The following ZNF528 variants were observed in gnomAD, a reference collection of about 807,000 sequenced individuals.
The protein encoded by ZNF528 is zinc finger protein 528.
ZNF528 carries 9 observed loss-of-function variants against 13.3 expected under a neutral mutation model. The observed-to-expected ratio is 0.67, with a 90% confidence interval of 0.41 to 1.18. ZNF528 has a LOEUF of 1.18. ZNF528 is among the 50% of genes most tolerant of loss of function. The probability of loss-of-function intolerance (pLI) is 0.01; values close to 1 mark genes in which losing one functional copy is unlikely to be tolerated. For missense variants in ZNF528, 858 were observed against 745.4 expected (o/e 1.15, Z -1.76); for synonymous variants, 264 against 254.3 (o/e 1.04, Z -0.36).
intron 4 of ZNF528, among the ~76,000 whole-genome samples, chr19:52,405,203 G>A (rs1216498224): frequency 1.4e-5 from 2 of 146,818 alleles, no homozygotes; most frequent in Admixed American, 6.8e-5. Context: ...GGCAAAAAGA[G>A]CGAAACACCA....
At position 52,402,045 on chromosome 19, in the gene ZNF528, A is replaced by G; in HGVS notation, c.15+17A>G. 1 of 1,613,458 alleles carries G rather than the reference A, an allele frequency of 6.2e-7. No individual in the cohort carries two copies. Among genetic ancestry groups the G allele is most frequent in the Non-Finnish European group, 8.5e-7 (1 of 1,179,360 alleles). On this transcript the variant is annotated intron_variant, in intron 4 of 6. Transcript: ENST00000360465. ...CTTACTCAGGTAAGGTAATGTTCTC[A>G]GTGGATTGTTCTGTCTCTGTTTCTT...
intron 2 of ZNF528, among the ~76,000 whole-genome samples, chr19:52,398,825 AG>A (rs2058758532): frequency 6.6e-6 from 1 of 152,070 alleles, no homozygotes; most frequent in South Asian, 2.1e-4. Flanking sequence ...GGACAGCCAG[AG>A]GGGGCAGCTG....
At position 52,406,035 on chromosome 19, in the gene ZNF528, T is replaced by G. The variant is rs749566600; in HGVS notation, c.142+2T>G. 1 of 1,609,498 alleles carries G rather than the reference T, an allele frequency of 6.2e-7. No homozygotes were observed. Among genetic ancestry groups the G allele is most frequent in the South Asian group, 1.1e-5 (1 of 91,042 alleles). ...ATTATAGGAACCTGGTCTCCCTGGG[T>G]GAGGATAATGTCCCCTCAGAAGCCG... On this transcript the variant is annotated splice_donor_variant, in intron 5 of 6. Coordinates refer to ENST00000360465, the MANE Select transcript of ZNF528 (RefSeq NM_032423.3). LOFTEE classifies it high-confidence loss of function.
In ZNF528 at chr19:52,416,586, G is replaced by T. The variant is rs768969974; in HGVS notation, c.1734G>T (p.Glu578Asp). ...TCCATACTGAAAAGAAATCTCATGA[G>T]TGTAAAGAATGTGGCAAGATCTTCA... ...LAIHTEKKSHECKECGKIFTQ... is the reference protein window; with the variant it reads ...LAIHTEKKSHDCKECGKIFTQ... Residue 578 changes from glutamate (E) to aspartate (D), a missense_variant, in exon 7 of 7, where the codon GAG becomes GAT. Glu to Asp is a conservative substitution (Grantham distance 45). Transcript: ENST00000360465. The T allele has an allele frequency of 1.2e-5, 20 of 1,613,860 alleles. No individual in the cohort carries two copies. The highest frequency in any genetic ancestry group is 2.7e-5 in the African/African-American group (2 of 74,862).
Position 52,406,643 on chromosome 19 carries a change from G to A in ZNF528, c.271G>A (p.Glu91Lys). The part of the protein sequence containing the change: ...GRECIKGVNT[E>K]RSSKLGSNAG... ...GGAGTGCATCAAAGGTGTGAACACA[G>A]GTGAGAGCTCGGGTGGGCAGAGTGG... The change falls in exon 6 of 7, where the codon GAG becomes AAG. Residue 91 changes from glutamate to lysine, a missense_variant and splice_region_variant. Physicochemically the swap from Glu to Lys is moderately conservative, Grantham distance 56 (BLOSUM62 1). Coordinates refer to ENST00000360465, the MANE Select transcript of ZNF528 (RefSeq NM_032423.3). 6.2e-7 allele frequency: 1 copy of A among 1,609,414 alleles called. No homozygotes were observed. The highest frequency in any genetic ancestry group is 8.5e-7 in the Non-Finnish European group (1 of 1,178,474).
intron 6 of ZNF528, among the ~76,000 whole-genome samples, chr19:52,409,012 A>G (rs185265806): frequency 6.6e-6 from 1 of 152,168 alleles, no homozygotes; most frequent in Non-Finnish European, 1.5e-5. Flanking sequence ...AAAGTCTAAA[A>G]TTCGCCTTTA....
At chr19:52,401,140 A>C (rs2058788772) in intron 2 of ZNF528, among the ~76,000 whole-genome samples, 2 of 149,618 alleles carry the variant, frequency 1.3e-5, no homozygotes, top group South Asian at 2.1e-4. Context: ...CTCTTCACCC[A>C]CCCCTCTCCC....
In ZNF528 at chr19:52,416,724, G is replaced by T; in HGVS notation, c.1872G>T (p.Gln624His). The change falls in exon 7 of 7, where the codon CAG (glutamine) becomes CAT (histidine). Residue 624 changes from glutamine (Q) to histidine (H), a missense_variant. Gln to His is a conservative substitution (Grantham distance 24). Coordinates refer to ENST00000360465, the MANE Select transcript of ZNF528 (RefSeq NM_032423.3). ...FSHNSDLAQH[Q>H]RVHS Reference sequence around the variant, plus strand: ...ACAATTCTGACCTTGCACAGCATCAGAGAGTTCATTCATGAGAGTCCCTAC... The same window carrying T: ...ACAATTCTGACCTTGCACAGCATCATAGAGTTCATTCATGAGAGTCCCTAC... 3 of 1,591,264 alleles carry T rather than the reference G, an allele frequency of 1.9e-6. No homozygotes were observed. The highest frequency in any genetic ancestry group is 2.6e-6 in the Non-Finnish European group (3 of 1,167,022).
chr19:52,398,127 C>T (rs1015959245), intron 1 of ZNF528: 1 of 152,178 alleles, frequency 6.6e-6, no homozygotes, highest in Admixed American at 6.5e-5. Context: ...CACGTAGACA[C>T]CTCCTATCGT....
intron 4 of ZNF528, among the ~76,000 whole-genome samples, chr19:52,404,833 A>G (rs1034647446): frequency 3.2e-4 from 48 of 151,478 alleles, no homozygotes; most frequent in African/African-American, 1.1e-3. Context: ...TCCTTACCTC[A>G]GGTGATCCAC....
chr19:52,402,070 T>G (rs1270440742), intron 4 of ZNF528, 42 bp downstream of exon 4: 10 of 1,613,996 alleles, frequency 6.2e-6, no homozygotes, highest in Middle Eastern at 1.6e-4. Context: ...CTCTGTTTCT[T>G]CCTGAAATGC....
chr19:52,399,762 C>T (rs771874790), intron 2 of ZNF528, among the ~76,000 whole-genome samples: 5 of 152,038 alleles, frequency 3.3e-5, no homozygotes, highest in African/African-American at 9.7e-5. Flanking sequence ...CAATAAAGAG[C>T]GCTCAACACA....
rs1289705514 is a variant in ZNF528 at position 52,416,778 on chromosome 19, G to A, written c.*39G>A. The A allele has an allele frequency of 5.8e-6, 9 of 1,540,418 alleles. No homozygotes were observed. The highest frequency in any genetic ancestry group is 7.9e-6 in the Non-Finnish European group (9 of 1,138,826). ...CTGTATGGCAAAACCATCATCATGA[G>A]TTCTAGCATTAATCAACATCAGTGA... On this transcript the variant is annotated 3_prime_UTR_variant, in exon 7 of 7. Coordinates refer to ENST00000360465, the MANE Select transcript of ZNF528 (RefSeq NM_032423.3).
chr19:52,400,688 TG>T (rs1405328374), intron 2 of ZNF528, among the ~76,000 whole-genome samples: 24 of 151,906 alleles, frequency 1.6e-4, no homozygotes, highest in African/African-American at 5.8e-4. Context: ...CGTGGCTGAT[TG>T]AAAAAAAAAT....
chr19:52,400,020 A>G (rs1599809694), intron 2 of ZNF528, among the ~76,000 whole-genome samples: 1 of 151,948 alleles, frequency 6.6e-6, no homozygotes, highest in South Asian at 2.1e-4. Flanking sequence ...AGGCCCACTC[A>G]CCTGTCTCTA....
Position 52,415,267 on chromosome 19 carries a change from G to C in ZNF528, c.415G>C (p.Val139Leu), listed in dbSNP as rs184557899. 1 of 1,613,998 alleles carries C rather than the reference G, an allele frequency of 6.2e-7. No individual in the cohort carries two copies. Among genetic ancestry groups the C allele is most frequent in the South Asian group, 1.1e-5 (1 of 91,016 alleles). ...TGGGTGTAAGCATTTTGAAAAACCCGTCAGTGACAATTCCTCAGTTTCACC... is the reference window on the plus strand; with the variant it reads ...TGGGTGTAAGCATTTTGAAAAACCCCTCAGTGACAATTCCTCAGTTTCACC... ...ISGCKHFEKP[V>L]SDNSSVSPLE... The change falls in exon 7 of 7, where the codon GTC (valine) becomes CTC (leucine). Residue 139 changes from valine (V) to leucine (L), a missense_variant. Transcript: ENST00000360465.
At chr19:52,412,079 C>T (rs572043063) in intron 6 of ZNF528, 1 of 152,212 alleles carries the variant, frequency 6.6e-6, no homozygotes, top group African/African-American at 2.4e-5. Context: ...AATTTCTTTC[C>T]TTTAATTAGT....
chr19:52,414,691 A>G, intron 6 of ZNF528: 1 of 373,594 alleles, frequency 2.7e-6, no homozygotes, highest in Non-Finnish European at 5.1e-6. Context: ...CCTCCAGTGG[A>G]ATGTTGAGCT....
chr19:52,406,785 G>C (rs2058862199), intron 6 of ZNF528, 142 bp downstream of exon 6: 2 of 1,147,968 alleles, frequency 1.7e-6, no homozygotes, highest in Non-Finnish European at 2.3e-6. Context: ...GATCTCCCTG[G>C]CTCGCTCTTC....
Sources: allele counts gnomAD v4.1 joint callset (sites outside exome capture counted in the v4.1 genomes callset), GRCh38; gene constraint gnomAD v4.1.1; transcripts MANE v1.5; gene names NCBI Gene and HGNC (gene_info 2026-07-23, HGNC 2026-07-21).